SLIT2: variants seen among roughly 807,000 people sequenced by gnomAD.
The protein encoded by SLIT2 is slit homolog 2 protein.
SLIT2 carries 41 observed loss-of-function variants against 185.7 expected under a neutral mutation model. The observed-to-expected ratio is 0.22, with a 90% confidence interval of 0.17 to 0.29. SLIT2 has a LOEUF of 0.29. SLIT2 is among the 10% of genes least tolerant of loss of function. The pLI is 1.00. For missense variants in SLIT2, 1,571 were observed against 1,909.0 expected (o/e 0.82, Z 3.30); for synonymous variants, 693 against 680.2 (o/e 1.02, Z -0.29).
intron 4 of SLIT2, among the ~76,000 whole-genome samples, chr4:20,327,705 A>T (rs1424974964): frequency 6.6e-6 from 1 of 152,046 alleles, no homozygotes; most frequent in African/African-American, 2.4e-5. Flanking sequence ...TAAGTAATAA[A>T]TATTATAGAT....
At chr4:20,588,584 G>C (rs903803313) in intron 29 of SLIT2, among the ~76,000 whole-genome samples, 4 of 151,886 alleles carry the variant, frequency 2.6e-5, no homozygotes, top group Non-Finnish European at 5.9e-5. Flanking sequence ...AAGTAGAAAA[G>C]GTAAAAATAA....
At chr4:20,414,368 A>G (rs1577608924) in intron 4 of SLIT2, among the ~76,000 whole-genome samples, 2 of 152,142 alleles carry the variant, frequency 1.3e-5, no homozygotes, top group East Asian at 1.9e-4. Context: ...TGCTTTATGC[A>G]GTTGTTTTTT....
Position 20,309,273 on chromosome 4 carries a change from A to T in SLIT2, c.395+40392A>T, listed in dbSNP as rs1717854517. 2.0e-5 allele frequency among the ~76,000 whole-genome samples: 3 copies of T among 152,256 alleles called. 1 individual carries two copies. In the South Asian group the frequency reaches 6.2e-4, roughly 32 times the overall value. On this transcript the variant is annotated intron_variant, in intron 4 of 36. Transcript: ENST00000504154. ...CTTTATTGAATATTGAAAGTTTTTA[A>T]ATAAGAACACCAATTATAGCATTCT...
intron 6 of SLIT2, among the ~76,000 whole-genome samples, chr4:20,481,882 A>G (rs1367293843): frequency 6.6e-6 from 1 of 152,050 alleles, no homozygotes; most frequent in African/African-American, 2.4e-5. Flanking sequence ...GAATGAATTG[A>G]TTGGGATAAA....
intron 4 of SLIT2, among the ~76,000 whole-genome samples, chr4:20,447,606 C>A (rs571016974): frequency 6.6e-6 from 1 of 152,100 alleles, no homozygotes; most frequent in Non-Finnish European, 1.5e-5. Flanking sequence ...GTAAGGAAAA[C>A]GGTTGCAAAC....
chr4:20,360,804 A>G (rs1485314899), intron 4 of SLIT2, among the ~76,000 whole-genome samples: 1 of 152,156 alleles, frequency 6.6e-6, no homozygotes, highest in Non-Finnish European at 1.5e-5. Context: ...TAAAAAATAG[A>G]TACCATTTAT....
chr4:20,507,484 A>G lies in SLIT2; in HGVS notation c.915-3011A>G, dbSNP rs555111522. 7.2e-5 allele frequency among the ~76,000 whole-genome samples: 11 copies of G among 152,100 alleles called. No homozygotes were observed. The South Asian group carries it at 1.7e-3, about 23-fold the overall frequency. On this transcript the variant is annotated intron_variant, in intron 9 of 36. Coordinates refer to ENST00000504154, the MANE Select transcript of SLIT2 (RefSeq NM_004787.4). Reference sequence around the variant, plus strand: ...CATTTCAGAAGTCTCTATGCTGAATATAGCATTTAAAAATACTTACATTGG... The same window carrying G: ...CATTTCAGAAGTCTCTATGCTGAATGTAGCATTTAAAAATACTTACATTGG...
chr4:20,300,338 A>G (rs75120520), intron 4 of SLIT2, among the ~76,000 whole-genome samples: 5,657 of 152,238 alleles, frequency 0.037, 261 homozygotes, highest in East Asian at 0.13. Context: ...TATTTGAATT[A>G]TATAGGGTAT....
chr4:20,264,239 A>G (rs994246377), intron 3 of SLIT2, among the ~76,000 whole-genome samples: 10 of 152,022 alleles, frequency 6.6e-5, no homozygotes, highest in African/African-American at 2.4e-4. Context: ...AAATAAAAAC[A>G]TTTTTATAAG....
rs553404627 is a variant in SLIT2, at chr4:20,612,787, G to A, written c.3847+2620G>A. Among the ~76,000 whole-genome samples the A allele has an allele frequency of 2.1e-3, 313 of 151,952 alleles. 1 individual carries two copies. The highest frequency in any genetic ancestry group is 3.5e-3 in the Non-Finnish European group (236 of 67,954). On this transcript the variant is annotated intron_variant, in intron 34 of 36. Transcript: ENST00000504154. The stretch of plus-strand genomic sequence containing the variant: ...CAAAAAATTAGCCGGGCATGGTGGC[G>A]GGCACCTTTGGTCCCAGCTACTTGG...
intron 4 of SLIT2, among the ~76,000 whole-genome samples, chr4:20,434,829 G>C (rs149651387): frequency 1.3e-5 from 2 of 152,258 alleles, no homozygotes; most frequent in African/African-American, 4.8e-5. Flanking sequence ...AGGAGTGATG[G>C]TTGAAATGCA....
At chr4:20,612,806 T>C (rs1416447391) in intron 34 of SLIT2, among the ~76,000 whole-genome samples, 2 of 151,058 alleles carry the variant, frequency 1.3e-5, no homozygotes, top group Non-Finnish European at 2.9e-5. Context: ...TGGTCCCAGC[T>C]ACTTGGGAGA....
intron 4 of SLIT2, among the ~76,000 whole-genome samples, chr4:20,461,048 GGAGA>G (rs1242513186): frequency 6.6e-6 from 1 of 152,168 alleles, no homozygotes; most frequent in African/African-American, 2.4e-5. Context: ...ATAAGCAAAT[GGAGA>G]GAGAGGCTTA....
intron 34 of SLIT2, among the ~76,000 whole-genome samples, chr4:20,613,341 G>C (rs988715714): frequency 2.0e-5 from 3 of 152,206 alleles, no homozygotes; most frequent in African/African-American, 7.2e-5. Flanking sequence ...GAATTGAGCT[G>C]ATGCCCTTGG....
At position 20,253,741 on chromosome 4, in the gene SLIT2, C is replaced by T; in HGVS notation, c.-75C>T. 6.5e-7 allele frequency: 1 copy of T among 1,546,358 alleles called. No homozygotes were observed. The highest frequency in any genetic ancestry group is 8.7e-7 in the Non-Finnish European group (1 of 1,145,102). ...GCCCCGCCGGGCACTGGGCCTCAGA[C>T]ACTGCGCGGTTCCCTCGGAGCAGCA... On this transcript the variant is annotated 5_prime_UTR_variant, in exon 1 of 37. Transcript: ENST00000504154.
chr4:20,383,478 A>G (rs1223325602), intron 4 of SLIT2, among the ~76,000 whole-genome samples: 3 of 152,182 alleles, frequency 2.0e-5, no homozygotes, highest in Non-Finnish European at 2.9e-5. Context: ...TTAACATATT[A>G]CTCACTAGGA....
chr4:20,584,147 C>G (rs1214788232), intron 29 of SLIT2, among the ~76,000 whole-genome samples: 1 of 152,278 alleles, frequency 6.6e-6, no homozygotes, highest in South Asian at 2.1e-4. Context: ...TTTAGAGCCA[C>G]AGTTAACCTT....
At chr4:20,312,570 G>A (rs572638115) in intron 4 of SLIT2, among the ~76,000 whole-genome samples, 2 of 151,708 alleles carry the variant, frequency 1.3e-5, no homozygotes, top group Non-Finnish European at 2.9e-5. Context: ...TCAGAAGATC[G>A]AGACCATCCT....
At chr4:20,555,624 A>C (rs1024884370) in intron 26 of SLIT2, among the ~76,000 whole-genome samples, 3 of 152,118 alleles carry the variant, frequency 2.0e-5, no homozygotes, top group Non-Finnish European at 1.5e-5. Flanking sequence ...TATTAATAAA[A>C]AAGTAATTTT....
Sources: allele counts gnomAD v4.1 joint callset (sites outside exome capture counted in the v4.1 genomes callset), GRCh38; gene constraint gnomAD v4.1.1; transcripts MANE v1.5; gene names NCBI Gene and HGNC (gene_info 2026-07-23, HGNC 2026-07-21).